ACAD10: variants seen among roughly 807,000 people sequenced by gnomAD.
ACAD10 encodes ACAD-10.
In ACAD10, 112 loss-of-function variants were observed where a neutral mutation model predicts 116.8. That is an observed-to-expected ratio of 0.96 (90% CI 0.82 to 1.12). ACAD10 has a LOEUF of 1.12. Among genes scored for constraint, ACAD10 ranks in the 50% most tolerant of loss-of-function variants. The probability of loss-of-function intolerance (pLI) is 0.00; values close to 1 mark genes in which losing one functional copy is unlikely to be tolerated. For synonymous variants in ACAD10, 486 were observed against 510.6 expected, an observed-to-expected ratio of 0.95 and a Z score of 0.65; for missense variants, 1,259 against 1,350.2, an observed-to-expected ratio of 0.93 and a Z score of 1.06.
chr12:111,721,441 A>G (rs1040547898), intron 7 of ACAD10, among the ~76,000 whole-genome samples: 3 of 152,110 alleles, frequency 2.0e-5, no homozygotes, highest in Non-Finnish European at 2.9e-5. Context: ...GGTGGTGCAC[A>G]TCTGTAATCC....
intron 2 of ACAD10, among the ~76,000 whole-genome samples, chr12:111,701,076 T>C (rs1888336171): frequency 6.6e-6 from 1 of 152,118 alleles, no homozygotes. Flanking sequence ...TTTTGCATAG[T>C]TTTCTATGAA....
chr12:111,720,990 G>C lies in ACAD10; in HGVS notation c.993-681G>C, dbSNP rs374632654. Among the ~76,000 whole-genome samples, 17 of 151,742 alleles carry C rather than the reference G, an allele frequency of 1.1e-4. No homozygotes were observed. The South Asian group carries it at 3.5e-3, about 32-fold the overall frequency. On this transcript the variant is annotated intron_variant, in intron 7 of 20. Coordinates refer to ENST00000313698, the MANE Select transcript of ACAD10 (RefSeq NM_025247.6). ...GTTGAGAAAGGGTTTTACCATGTTGGCCAGGGTGGTCTTGAACTCTTAGGC... is the reference window on the plus strand; with the variant it reads ...GTTGAGAAAGGGTTTTACCATGTTGCCCAGGGTGGTCTTGAACTCTTAGGC...
At chr12:111,736,690 T>C (rs964888633) in intron 11 of ACAD10, 141 bp from the exon 12 acceptor site, 30 of 770,602 alleles carry the variant, frequency 3.9e-5, no homozygotes, top group Non-Finnish European at 5.4e-5. Context: ...CAAGAGCCAA[T>C]GCAGGAATAA....
rs145407775 is a variant in ACAD10, at chr12:111,712,604, C to T, written c.797C>T (p.Pro266Leu). The change falls in exon 6 of 21, where the codon CCG becomes CTG. Residue 266 changes from proline (P) to leucine (L), a missense_variant. By Grantham distance (98) the Pro-to-Leu change is moderately conservative (BLOSUM62 -3). Coordinates refer to ENST00000313698, the MANE Select transcript of ACAD10 (RefSeq NM_025247.6). Reference sequence around the variant, plus strand: ...CCTGTGAAAAAGACGATGGAAATTCCGAAAGATTCCTTGCAGAAGTACCTC... The same window carrying T: ...CCTGTGAAAAAGACGATGGAAATTCTGAAAGATTCCTTGCAGAAGTACCTC... ...TRPVKKTMEI[P>L]KDSLQKYLKD... The T allele has an allele frequency of 8.3e-4, 1,344 of 1,614,086 alleles. 10 individuals carry two copies. The South Asian group carries it at 0.011, about 13-fold the overall frequency.
rs1306952919 is a variant in ACAD10 at position 111,744,730 on chromosome 12, G to A, written c.1802G>A (p.Gly601Glu). Residue 601 changes from glycine to glutamate, a missense_variant, in exon 13 of 21, where the codon GGG (glycine) becomes GAG (glutamate). Gly to Glu is a moderately conservative substitution (Grantham distance 98). Transcript: ENST00000313698. ...NLAWDFAVKE[G>E]FRVFKEMPFT... ...GCGTGGGATTTCGCAGTCAAAGAAG[G>A]GTTCCGGGTTTTCAAAGAGATGCCC... is the stretch of plus-strand genomic sequence containing the variant. 1 of 1,614,210 alleles carries A rather than the reference G, an allele frequency of 6.2e-7. No individual in the cohort carries two copies. Among genetic ancestry groups the A allele is most frequent in the Admixed American group, 1.7e-5 (1 of 60,016 alleles).
At chr12:111,692,215 G>A (rs943057452) in intron 1 of ACAD10, among the ~76,000 whole-genome samples, 1 of 152,166 alleles carries the variant, frequency 6.6e-6, no homozygotes, top group Non-Finnish European at 1.5e-5. Flanking sequence ...TGATCCACCC[G>A]CCTTGGCCTC....
At chr12:111,712,452 T>A in intron 5 of ACAD10, 46 bp from the exon 6 acceptor site, 1 of 1,558,264 alleles carries the variant, frequency 6.4e-7, no homozygotes. Context: ...AAGGGAAAAA[T>A]AACAACAACA....
At chr12:111,720,766 T>C (rs1057059575) in intron 7 of ACAD10, among the ~76,000 whole-genome samples, 2 of 151,934 alleles carry the variant, frequency 1.3e-5, no homozygotes, top group Non-Finnish European at 1.5e-5. Flanking sequence ...TTATTTTTAT[T>C]TTATTTCTTT....
chr12:111,715,890 G>A lies in ACAD10; in HGVS notation c.920G>A (p.Arg307His), dbSNP rs200875074. 4.3e-6 allele frequency: 7 copies of A among 1,614,048 alleles called. No homozygotes were observed. Among genetic ancestry groups the A allele is most frequent in the Middle Eastern group, 1.7e-4 (1 of 6,060 alleles). The change falls in exon 7 of 21, where the codon CGT becomes CAT. Residue 307 changes from arginine to histidine, a missense_variant. Physicochemically the swap from Arg to His is conservative, Grantham distance 29. Transcript: ENST00000313698. Reference sequence around the variant, plus strand: ...ACTTACTACATCAGGCTGGCTAATCGTGATCTAGTTCTGAGGAAGAAGCCC... The same window carrying A: ...ACTTACTACATCAGGCTGGCTAATCATGATCTAGTTCTGAGGAAGAAGCCC... Reference protein sequence around the residue: ...NPTYYIRLANRDLVLRKKPPG... With the variant: ...NPTYYIRLANHDLVLRKKPPG...
At chr12:111,721,792 C>T (rs1374285344) in intron 8 of ACAD10, 53 bp downstream of exon 8, 1 of 1,453,430 alleles carries the variant, frequency 6.9e-7, no homozygotes, top group Non-Finnish European at 9.4e-7. Context: ...GAGAGAAAAG[C>T]CCATATGCTA....
chr12:111,686,921 C>T (rs1593007086), intron 1 of ACAD10, among the ~76,000 whole-genome samples: 8 of 152,278 alleles, frequency 5.3e-5, no homozygotes, highest in Admixed American at 4.6e-4. Flanking sequence ...GTTGTGCAGT[C>T]TTGAACTAGT....
intron 12 of ACAD10, among the ~76,000 whole-genome samples, chr12:111,741,906 C>A (rs1476822343): frequency 1.3e-5 from 2 of 152,146 alleles, no homozygotes; most frequent in African/African-American, 4.8e-5. Context: ...CAAAAGACTT[C>A]AAATCAGCAT....
At chr12:111,721,798 T>G in intron 8 of ACAD10, 59 bp downstream of exon 8, 2 of 1,423,158 alleles carry the variant, frequency 1.4e-6, no homozygotes, top group Middle Eastern at 1.8e-4. Flanking sequence ...AAAGCCCATA[T>G]GCTAACACAA....
At chr12:111,728,382 ATTTTTTCT>A (rs1183253550) in intron 9 of ACAD10, among the ~76,000 whole-genome samples, 9 of 148,180 alleles carry the variant, frequency 6.1e-5, no homozygotes, top group Admixed American at 1.3e-4. Flanking sequence ...TTTTTTTTTC[ATTTTTTCT>A]TTTTTTCCCT....
intron 8 of ACAD10, among the ~76,000 whole-genome samples, chr12:111,725,709 A>G (rs1045759398): frequency 1.3e-5 from 2 of 151,604 alleles, no homozygotes; most frequent in Non-Finnish European, 2.9e-5. Context: ...TAATTTTTGT[A>G]TTTTTAATGG....
intron 8 of ACAD10, among the ~76,000 whole-genome samples, chr12:111,723,473 C>T (rs1566154650): frequency 7.0e-6 from 1 of 141,952 alleles, no homozygotes; most frequent in South Asian, 2.2e-4. Flanking sequence ...GGGGGCTGAC[C>T]CCCCCGCCTC....
At chr12:111,755,556 C>A in intron 19 of ACAD10, 112 bp from the exon 20 acceptor site, 1 of 751,816 alleles carries the variant, frequency 1.3e-6, no homozygotes, top group Non-Finnish European at 2.3e-6. Flanking sequence ...GCACATGCTA[C>A]CACACCCTGC....
At chr12:111,717,213 C>T (rs114832135) in intron 7 of ACAD10, among the ~76,000 whole-genome samples, 164 of 152,028 alleles carry the variant, frequency 1.1e-3, no homozygotes, top group African/African-American at 3.8e-3. Flanking sequence ...AAAAATTAGC[C>T]GGGTGTTGGT....
intron 11 of ACAD10, among the ~76,000 whole-genome samples, chr12:111,734,516 C>T (rs552931665): frequency 6.6e-5 from 10 of 152,138 alleles, no homozygotes; most frequent in African/African-American, 1.7e-4. Context: ...CCCAGCTACT[C>T]GGGAGGCTGA....
Sources: gnomAD v4.1 joint callset for allele counts (sites outside exome capture counted in the v4.1 genomes callset) on GRCh38, gnomAD v4.1.1 for gene constraint, MANE v1.5 for transcripts, NCBI Gene and HGNC (gene_info 2026-07-23, HGNC 2026-07-21) for gene names.